LPCAT2: variants seen among roughly 807,000 people sequenced by gnomAD.
LPCAT2 encodes the protein 1-AGP acyltransferase 11.
Under a neutral mutation model 64.7 loss-of-function variants are expected in LPCAT2, and 58 were observed. That is an observed-to-expected ratio of 0.90 (90% confidence interval 0.73 to 1.12). The LOEUF is 1.12. Ranked by LOEUF, LPCAT2 falls within the 50% of genes most tolerant of loss-of-function variation. LPCAT2 has a pLI of 0.00. For missense variants in LPCAT2, 579 were observed against 669.8 expected (o/e 0.86, Z 1.50); for synonymous variants, 252 against 245.3 (o/e 1.03, Z -0.26).
At position 55,537,616 on chromosome 16, in the gene LPCAT2, C is replaced by T; in HGVS notation, c.836C>T (p.Thr279Ile). 1.9e-6 allele frequency: 3 copies of T among 1,613,210 alleles called. No individual in the cohort carries two copies. The South Asian group carries it at 3.3e-5, about 18-fold the overall frequency. ...ATGCTTACTTTCTGCCAGCTCTTCA[C>T]AAAGGTAGAAGTTGAGGTAAGTCAT... ...LCMLTFCQLF[T>I]KVEVEFMPVQ... Residue 279 changes from threonine (T) to isoleucine (I), a missense_variant, in exon 8 of 14, where the codon ACA becomes ATA. Thr to Ile is a moderately conservative substitution (Grantham distance 89). Transcript: ENST00000262134.
At chr16:55,549,646 A>T (rs1963493329) in intron 10 of LPCAT2, among the ~76,000 whole-genome samples, 1 of 152,206 alleles carries the variant, frequency 6.6e-6, no homozygotes, top group African/African-American at 2.4e-5. Flanking sequence ...ATGTGGATCC[A>T]CACAGATCTG....
At position 55,549,844 on chromosome 16, in the gene LPCAT2, T is replaced by C. The variant is rs528710073; in HGVS notation, c.1061+442T>C. Among the ~76,000 whole-genome samples the C allele has an allele frequency of 2.6e-5, 4 of 152,328 alleles. No homozygotes were observed. The South Asian group carries it at 6.2e-4, about 24-fold the overall frequency. ...ATACTTGCCCTAGATCTGCCTTTTT[T>C]TCTGGATACCTATTTTTTAAAAAAA... On this transcript the variant is annotated intron_variant, in intron 10 of 13. Coordinates refer to ENST00000262134, the MANE Select transcript of LPCAT2 (RefSeq NM_017839.5).
intron 1 of LPCAT2, among the ~76,000 whole-genome samples, chr16:55,512,162 C>T (rs191503338): frequency 2.6e-4 from 39 of 152,278 alleles, no homozygotes; most frequent in African/African-American, 7.9e-4. Flanking sequence ...TTACCTAATA[C>T]GTATTCTGTT....
Position 55,516,794 on chromosome 16 carries a change from A to G in LPCAT2, c.171+7442A>G, listed in dbSNP as rs117073691. 2.8e-3 allele frequency among the ~76,000 whole-genome samples: 419 copies of G among 152,338 alleles called. 10 individuals carry two copies. The South Asian group carries it at 0.05, about 18-fold the overall frequency. ...ACACTATAAACAGACTAGATCTAAC[A>G]GATATGTATGTAGAACACTCAACAA... On this transcript the variant is annotated intron_variant, in intron 1 of 13. Transcript: ENST00000262134.
chr16:55,576,618 T>C (rs990234396), intron 12 of LPCAT2, among the ~76,000 whole-genome samples: 1 of 152,108 alleles, frequency 6.6e-6, no homozygotes, highest in Non-Finnish European at 1.5e-5. Flanking sequence ...ATAATGCACA[T>C]TTCAGGGAGG....
At chr16:55,546,444 C>T (rs1963454504) in intron 9 of LPCAT2, among the ~76,000 whole-genome samples, 1 of 152,206 alleles carries the variant, frequency 6.6e-6, no homozygotes, top group Non-Finnish European at 1.5e-5. Context: ...TCTTCCCACA[C>T]ACCACCTCTG....
At position 55,582,882 on chromosome 16, in the gene LPCAT2, A is replaced by AACTT. The variant is rs772829183; in HGVS notation, c.1451-30_1451-27dup. On this transcript the variant is annotated intron_variant, in intron 13 of 13. Transcript: ENST00000262134. ...ATCATGCCAAAAGAAGATTCACCCC[A>AACTT]ACTTATTGGATTTTTTTTCTTTCTC... The AACTT allele has an allele frequency of 8.2e-6, 12 of 1,469,014 alleles. No homozygotes were observed. The East Asian group carries it at 2.7e-4, about 33-fold the overall frequency. The allele number at this position is 1,469,014 out of a possible 1,614,324, so 91.0% of individuals were successfully genotyped here.
intron 1 of LPCAT2, among the ~76,000 whole-genome samples, chr16:55,511,903 T>G (rs1449919686): frequency 1.3e-5 from 2 of 152,188 alleles, no homozygotes; most frequent in East Asian, 1.9e-4. Context: ...TATTGCTTGT[T>G]TTTTAATAAT....
chr16:55,582,409 G>A (rs1487953629), intron 13 of LPCAT2, among the ~76,000 whole-genome samples: 1 of 152,058 alleles, frequency 6.6e-6, no homozygotes, highest in Non-Finnish European at 1.5e-5. Context: ...TATATAAATA[G>A]ACTCATACAA....
At chr16:55,563,222 A>C (rs1963656422) in intron 11 of LPCAT2, among the ~76,000 whole-genome samples, 1 of 151,978 alleles carries the variant, frequency 6.6e-6, no homozygotes, top group Admixed American at 6.6e-5. Context: ...AAAGATATTG[A>C]ATCAGTAACC....
intron 11 of LPCAT2, among the ~76,000 whole-genome samples, chr16:55,564,072 A>T (rs576120774): frequency 6.6e-6 from 1 of 152,068 alleles, no homozygotes; most frequent in African/African-American, 2.4e-5. Flanking sequence ...AACAATTCTG[A>T]AAAGGAAACT....
In LPCAT2 at chr16:55,545,837, T is replaced by C. The variant is rs1402603049; in HGVS notation, c.935+20T>C. On this transcript the variant is annotated intron_variant, in intron 9 of 13. Coordinates refer to ENST00000262134, the MANE Select transcript of LPCAT2 (RefSeq NM_017839.5). ...GGCAGAGTAAGTGTCTATATTTGAT[T>C]ATAACTCATAAATAATTTGAAAATT... The C allele has an allele frequency of 2.6e-6, 4 of 1,536,338 alleles. No homozygotes were observed. The highest frequency in any genetic ancestry group is 3.6e-6 in the Non-Finnish European group (4 of 1,122,076).
At chr16:55,509,840 A>G (rs1448783616) in intron 1 of LPCAT2, among the ~76,000 whole-genome samples, 2 of 152,062 alleles carry the variant, frequency 1.3e-5, no homozygotes, top group African/African-American at 2.4e-5. Context: ...AATCCAAAAC[A>G]GGAAGAGACT....
Position 55,510,243 on chromosome 16 carries a change from T to G in LPCAT2, c.171+891T>G, listed in dbSNP as rs558042593. On this transcript the variant is annotated intron_variant, in intron 1 of 13. Transcript: ENST00000262134. ...TAAAAACGTTTCCTAAGTTGAAGCA[T>G]GAGAAGTAGTAGCCCAGGCTGTTTT... is the stretch of plus-strand genomic sequence containing the variant. Among the ~76,000 whole-genome samples, 6 of 152,198 alleles carry G rather than the reference T, an allele frequency of 3.9e-5. No individual in the cohort carries two copies. The South Asian group carries it at 1.2e-3, about 32-fold the overall frequency.
intron 11 of LPCAT2, among the ~76,000 whole-genome samples, chr16:55,564,732 A>G (rs1227757379): frequency 6.6e-6 from 1 of 152,060 alleles, no homozygotes; most frequent in East Asian, 1.9e-4. Flanking sequence ...AGCTGAAACT[A>G]TAAAACTCTT....
intron 11 of LPCAT2, among the ~76,000 whole-genome samples, chr16:55,570,793 C>CA (rs1963761796): frequency 6.6e-6 from 1 of 152,052 alleles, no homozygotes; most frequent in Non-Finnish European, 1.5e-5. Flanking sequence ...GAAACTGATT[C>CA]AATTATGTAT....
intron 11 of LPCAT2, among the ~76,000 whole-genome samples, chr16:55,554,043 C>G (rs1422993748): frequency 6.6e-6 from 1 of 152,124 alleles, no homozygotes; most frequent in African/African-American, 2.4e-5. Flanking sequence ...TTAAATCATC[C>G]TATGAACAAA....
chr16:55,568,292 C>CA (rs1963730394), intron 11 of LPCAT2, among the ~76,000 whole-genome samples: 1 of 152,170 alleles, frequency 6.6e-6, no homozygotes, highest in Non-Finnish European at 1.5e-5. Flanking sequence ...GTACTTCATA[C>CA]AAAATCAGGC....
At chr16:55,520,979 A>G (rs1325879249) in intron 1 of LPCAT2, among the ~76,000 whole-genome samples, 1 of 151,868 alleles carries the variant, frequency 6.6e-6, no homozygotes, top group Non-Finnish European at 1.5e-5. Context: ...TAAGTCAAAG[A>G]AAGGAAATAA....
Sources: gnomAD v4.1 joint callset for allele counts (sites outside exome capture counted in the v4.1 genomes callset) on GRCh38, gnomAD v4.1.1 for gene constraint, MANE v1.5 for transcripts, NCBI Gene and HGNC (gene_info 2026-07-23, HGNC 2026-07-21) for gene names.